Variants in PTPRK observed in about 807,000 individuals in gnomAD.
PTPRK encodes receptor-type tyrosine-protein phosphatase kappa.
In PTPRK, 75 loss-of-function variants were observed where a neutral mutation model predicts 178.0. That is an observed-to-expected ratio of 0.42 (90% CI 0.35 to 0.51). The LOEUF (loss-of-function observed/expected upper bound fraction) is 0.51. Among genes scored for constraint, PTPRK ranks in the 20% least tolerant of loss-of-function variants. The probability of loss-of-function intolerance (pLI) is 0.02; values close to 1 mark genes in which losing one functional copy is unlikely to be tolerated. For synonymous variants in PTPRK, 637 were observed against 620.6 expected (o/e 1.03, Z -0.39); for missense variants, 1,441 against 1,797.8 (o/e 0.80, Z 3.59).
chr6:128,397,049 T>A (rs551873909), intron 2 of PTPRK, among the ~76,000 whole-genome samples: 4 of 152,188 alleles, frequency 2.6e-5, no homozygotes, highest in Admixed American at 1.3e-4. Context: ...TTCTCTATAA[T>A]TCCCACATAA....
chr6:128,164,677 T>C (rs997902265), intron 7 of PTPRK, among the ~76,000 whole-genome samples: 4 of 151,214 alleles, frequency 2.6e-5, no homozygotes, highest in Admixed American at 2.0e-4. Flanking sequence ...GAAGTGCATA[T>C]AACCAATACT....
At chr6:128,388,216 T>C (rs188185311) in intron 2 of PTPRK, among the ~76,000 whole-genome samples, 5 of 152,330 alleles carry the variant, frequency 3.3e-5, no homozygotes, top group East Asian at 3.9e-4. Flanking sequence ...TTGATACTTA[T>C]AAGACATAAG....
chr6:128,349,315 G>C (rs1832811328), intron 2 of PTPRK, among the ~76,000 whole-genome samples: 1 of 152,008 alleles, frequency 6.6e-6, no homozygotes, highest in African/African-American at 2.4e-5. Flanking sequence ...TTCCCTAGTA[G>C]ATTTTTTTCA....
At chr6:128,343,615 T>C (rs1217543396) in intron 2 of PTPRK, among the ~76,000 whole-genome samples, 1 of 152,046 alleles carries the variant, frequency 6.6e-6, no homozygotes, top group Non-Finnish European at 1.5e-5. Flanking sequence ...AGAATATGAA[T>C]GCATTTAAAT....
chr6:128,096,576 TGTCA>T (rs1422437979), intron 7 of PTPRK, among the ~76,000 whole-genome samples: 2 of 152,118 alleles, frequency 1.3e-5, no homozygotes, highest in Admixed American at 6.6e-5. Flanking sequence ...ATTATGCAGC[TGTCA>T]GTCAGAGAAA....
At chr6:128,291,486 G>T (rs1411953271) in intron 3 of PTPRK, among the ~76,000 whole-genome samples, 1 of 152,106 alleles carries the variant, frequency 6.6e-6, no homozygotes, top group African/African-American at 2.4e-5. Context: ...TAAGTTACGT[G>T]TCCAAGATCA....
At chr6:128,131,698 G>A (rs189532042) in intron 7 of PTPRK, among the ~76,000 whole-genome samples, 3 of 152,172 alleles carry the variant, frequency 2.0e-5, no homozygotes, top group Admixed American at 2.0e-4. Flanking sequence ...TTAAATTAAC[G>A]AGGCTCAGTT....
At position 128,169,733 on chromosome 6, in the gene PTPRK, T is replaced by C. The variant is rs185570752; in HGVS notation, c.1162+14699A>G. 6.3e-4 allele frequency among the ~76,000 whole-genome samples: 96 copies of C among 152,076 alleles called. 1 individual carries two copies. Among genetic ancestry groups the C allele is most frequent in the African/African-American group, 2.2e-3 (91 of 41,522 alleles). On this transcript the variant is annotated intron_variant, in intron 7 of 29. Coordinates refer to ENST00000368226, the MANE Select transcript of PTPRK (RefSeq NM_002844.4). ...AACATAATTTATAAAACCATCTTGT[T>C]ATTGTTAAGCATTTCTTTCCAATTC... is the stretch of plus-strand genomic sequence containing the variant.
At chr6:128,015,831 T>C (rs1464858413) in intron 13 of PTPRK, among the ~76,000 whole-genome samples, 4 of 151,956 alleles carry the variant, frequency 2.6e-5, no homozygotes, top group East Asian at 1.9e-4. Context: ...CTTTACAAGA[T>C]AATACCAAAC....
At chr6:128,116,489 A>G (rs1461079483) in intron 7 of PTPRK, among the ~76,000 whole-genome samples, 1 of 152,238 alleles carries the variant, frequency 6.6e-6, no homozygotes. Context: ...GATGTGTCAC[A>G]ACCAAAGAGG....
chr6:128,290,775 A>G (rs374753078), intron 3 of PTPRK, among the ~76,000 whole-genome samples: 58 of 152,252 alleles, frequency 3.8e-4, no homozygotes, highest in African/African-American at 1.4e-3. Context: ...GATTGATTTT[A>G]AAAATAGAGG....
intron 27 of PTPRK, 42 bp downstream of exon 27, chr6:127,976,615 G>A (rs1554257249): frequency 6.2e-7 from 1 of 1,610,270 alleles, no homozygotes; most frequent in Non-Finnish European, 8.5e-7. Flanking sequence ...GGTTATGACT[G>A]ACCTATTCTA....
intron 2 of PTPRK, among the ~76,000 whole-genome samples, chr6:128,336,137 T>G (rs4084563): frequency 6.6e-6 from 1 of 152,080 alleles, no homozygotes; most frequent in Non-Finnish European, 1.5e-5. Flanking sequence ...AACATTCCTT[T>G]TAAACATAAC....
chr6:128,338,836 T>C (rs1413794112), intron 2 of PTPRK, among the ~76,000 whole-genome samples: 1 of 151,790 alleles, frequency 6.6e-6, no homozygotes, highest in Non-Finnish European at 1.5e-5. Context: ...TAAAAACTCA[T>C]AAGGCAAGAG....
intron 11 of PTPRK, among the ~76,000 whole-genome samples, chr6:128,068,896 A>G (rs1467734394): frequency 6.6e-6 from 1 of 151,844 alleles, no homozygotes; most frequent in Non-Finnish European, 1.5e-5. Context: ...ACATTCTTTA[A>G]AAGACTTCCA....
intron 7 of PTPRK, among the ~76,000 whole-genome samples, chr6:128,163,268 A>C (rs536421891): frequency 1.3e-5 from 2 of 151,332 alleles, no homozygotes; most frequent in Admixed American, 1.3e-4. Context: ...ATGGAGGTGA[A>C]TCCTTAGCAC....
chr6:128,293,456 C>T (rs779854290), intron 3 of PTPRK, among the ~76,000 whole-genome samples: 36 of 152,046 alleles, frequency 2.4e-4, no homozygotes, highest in Non-Finnish European at 4.1e-4. Flanking sequence ...GGCAGGTGCC[C>T]TCATGACTTA....
chr6:128,197,754 C>T (rs114187944), intron 6 of PTPRK, among the ~76,000 whole-genome samples: 4,322 of 151,592 alleles, frequency 0.029, 141 homozygotes, highest in African/African-American at 0.08. Context: ...TTACGGTAGA[C>T]AACAAAAAGA....
At chr6:128,185,387 T>C (rs1464858371) in intron 6 of PTPRK, among the ~76,000 whole-genome samples, 2 of 152,178 alleles carry the variant, frequency 1.3e-5, no homozygotes, top group African/African-American at 4.8e-5. Flanking sequence ...ATATTCTGCT[T>C]GAAAGAAACT....
Sources: allele counts gnomAD v4.1 joint callset (sites outside exome capture counted in the v4.1 genomes callset), GRCh38; gene constraint gnomAD v4.1.1; transcripts MANE v1.5; gene names NCBI Gene and HGNC (gene_info 2026-07-23, HGNC 2026-07-21).